Variants in ESYT2 observed in about 807,000 individuals in gnomAD.
ESYT2 encodes the protein extended synaptotagmin 2.
Under a neutral mutation model 107.2 loss-of-function variants are expected in ESYT2, and 54 were observed. The ratio of observed to expected loss-of-function variants is 0.50; its 90% CI spans 0.40 to 0.63. The LOEUF is 0.63. Ranked by LOEUF, ESYT2 falls within the 30% of genes least tolerant of loss-of-function variation. The pLI, the probability that ESYT2 is intolerant of heterozygous loss-of-function variation, is 0.00. For synonymous variants in ESYT2, 491 were observed against 434.1 expected, an observed-to-expected ratio of 1.13 and a Z score of -1.63; for missense variants, 1,020 against 1,094.5, an observed-to-expected ratio of 0.93 and a Z score of 0.96.
At chr7:158,793,555 A>T in intron 4 of ESYT2, 95 bp downstream of exon 4, 1 of 845,408 alleles carries the variant, frequency 1.2e-6, no homozygotes. Flanking sequence ...ACAGCAGGTA[A>T]GACGTGTGCT....
intron 6 of ESYT2, among the ~76,000 whole-genome samples, chr7:158,781,961 G>A (rs563066571): frequency 3.0e-5 from 3 of 100,862 alleles, no homozygotes; most frequent in African/African-American, 1.1e-4. Context: ...AAGTGTGAAC[G>A]AGTGTGAGAA....
chr7:158,761,258 G>T (rs1030644222), intron 11 of ESYT2, among the ~76,000 whole-genome samples: 10 of 152,226 alleles, frequency 6.6e-5, no homozygotes, highest in African/African-American at 2.4e-4. Context: ...TATCCGTAAG[G>T]ATTCCCAGCA....
intron 19 of ESYT2, 151 bp downstream of exon 19, chr7:158,738,872 C>A (rs746677284): frequency 9.2e-6 from 7 of 762,862 alleles, no homozygotes; most frequent in Non-Finnish European, 1.5e-5. Context: ...ACACCCTTTA[C>A]GAGCACCGTC....
intron 3 of ESYT2, among the ~76,000 whole-genome samples, chr7:158,794,312 G>A (rs1012919621): frequency 2.6e-5 from 4 of 152,176 alleles, no homozygotes; most frequent in Non-Finnish European, 5.9e-5. Context: ...GGGCAACATG[G>A]TTAAAACCCT....
At chr7:158,747,769 T>C (rs927917666) in intron 16 of ESYT2, among the ~76,000 whole-genome samples, 10 of 152,226 alleles carry the variant, frequency 6.6e-5, no homozygotes, top group African/African-American at 2.4e-4. Flanking sequence ...TTATATGTAA[T>C]AGGTCTAAAC....
intron 7 of ESYT2, among the ~76,000 whole-genome samples, chr7:158,770,584 T>G (rs895512980): frequency 1.3e-5 from 2 of 151,850 alleles, no homozygotes; most frequent in Non-Finnish European, 2.9e-5. Context: ...GCGCGATCTT[T>G]GCTCAGTGCA....
At position 158,800,460 on chromosome 7, in the gene ESYT2, G is replaced by A. The variant is rs149634213; in HGVS notation, c.331-1388C>T. ...GCTGGAGAGCAGTAGTTCAATCACG[G>A]CTCACTGCAGCCTGGAACTCCTGGG... On this transcript the variant is annotated intron_variant, in intron 1 of 22. Transcript: ENST00000275418. Among the ~76,000 whole-genome samples the A allele has an allele frequency of 1.6e-3, 246 of 152,260 alleles. 1 individual carries two copies. The highest frequency in any genetic ancestry group is 2.8e-3 in the Non-Finnish European group (191 of 68,014).
intron 1 of ESYT2, among the ~76,000 whole-genome samples, chr7:158,818,931 C>T (rs1197565827): frequency 6.6e-6 from 1 of 152,236 alleles, no homozygotes; most frequent in African/African-American, 2.4e-5. Flanking sequence ...CAGCCCCACT[C>T]GCACGGGCCC....
At chr7:158,825,448 G>A (rs1456119979) in intron 1 of ESYT2, among the ~76,000 whole-genome samples, 4 of 152,190 alleles carry the variant, frequency 2.6e-5, no homozygotes, top group Non-Finnish European at 5.9e-5. Context: ...TTTCCCCTAA[G>A]CAGTTGGAAC....
intron 16 of ESYT2, chr7:158,744,333 A>C (rs905667955): frequency 1.3e-5 from 2 of 152,176 alleles, no homozygotes; most frequent in African/African-American, 4.8e-5. Flanking sequence ...ATAATGACCA[A>C]TCGGTTCGGA....
intron 1 of ESYT2, among the ~76,000 whole-genome samples, chr7:158,815,171 G>A (rs968566497): frequency 1.3e-5 from 2 of 152,204 alleles, no homozygotes; most frequent in Non-Finnish European, 2.9e-5. Flanking sequence ...ACTCCTCCGA[G>A]TGCAGAGAGG....
intron 1 of ESYT2, among the ~76,000 whole-genome samples, chr7:158,809,862 T>TGTTC (rs397970011): frequency 1.4e-4 from 21 of 152,162 alleles, no homozygotes; most frequent in African/African-American, 4.6e-4. Flanking sequence ...GCTGGCTGTT[T>TGTTC]CTGTAGCTCA....
intron 1 of ESYT2, among the ~76,000 whole-genome samples, chr7:158,823,682 G>T (rs573531521): frequency 6.6e-6 from 1 of 152,138 alleles, no homozygotes; most frequent in African/African-American, 2.4e-5. Flanking sequence ...ACTCGTCAAT[G>T]CACTCATTTA....
intron 14 of ESYT2, among the ~76,000 whole-genome samples, chr7:158,750,274 T>C (rs927877698): frequency 5.3e-5 from 8 of 152,072 alleles, no homozygotes; most frequent in Non-Finnish European, 1.0e-4. Flanking sequence ...ATCATCAGTT[T>C]AGAATCATAT....
chr7:158,749,797 A>G (rs1030405008), intron 14 of ESYT2, 74 bp from the exon 15 acceptor site: 22 of 1,363,500 alleles, frequency 1.6e-5, no homozygotes, highest in Middle Eastern at 1.8e-4. Flanking sequence ...AAATGAAATT[A>G]CTGGCTTATA....
intron 1 of ESYT2, among the ~76,000 whole-genome samples, chr7:158,827,266 C>G (rs1840485014): frequency 1.3e-5 from 2 of 152,002 alleles, no homozygotes; most frequent in African/African-American, 4.8e-5. Flanking sequence ...TGAAAGTCAG[C>G]ATCATCACTT....
At chr7:158,797,624 A>C (rs533407140) in intron 3 of ESYT2, among the ~76,000 whole-genome samples, 1 of 152,134 alleles carries the variant, frequency 6.6e-6, no homozygotes, top group African/African-American at 2.4e-5. Context: ...GGGAGGCTGA[A>C]GCAGGCAGAT....
chr7:158,806,054 G>A lies in ESYT2; in HGVS notation c.331-6982C>T, dbSNP rs571314686. On this transcript the variant is annotated intron_variant, in intron 1 of 22. Coordinates refer to ENST00000275418, the MANE Select transcript of ESYT2 (RefSeq NM_001367773.1). ...GGCCTGAAGGAGGACACTAGCAGCAGAGCCGGCGCCGGGGCACACCGCGTG... is the reference window on the plus strand; with the variant it reads ...GGCCTGAAGGAGGACACTAGCAGCAAAGCCGGCGCCGGGGCACACCGCGTG... Among the ~76,000 whole-genome samples, 10 of 69,094 alleles carry A rather than the reference G, an allele frequency of 1.4e-4. No individual in the cohort carries two copies. The South Asian group carries it at 3.9e-3, about 27-fold the overall frequency. 45.3% of individuals were successfully genotyped at this position (69,094 alleles called of 152,430 possible). A position where few individuals can be genotyped will look rare whatever the true frequency, so the allele number is the denominator to read the frequency against.
At chr7:158,734,500 T>C (rs1836849048) in intron 21 of ESYT2, 29 bp from the exon 22 acceptor site, 1 of 1,604,166 alleles carries the variant, frequency 6.2e-7, no homozygotes, top group Non-Finnish European at 8.5e-7. Context: ...GCAGTTAAAG[T>C]AGGCTGGGCT....
Sources: allele counts gnomAD v4.1 joint callset (sites outside exome capture counted in the v4.1 genomes callset), GRCh38; gene constraint gnomAD v4.1.1; transcripts MANE v1.5; gene names NCBI Gene and HGNC (gene_info 2026-07-23, HGNC 2026-07-21).